FBN1: variants seen among roughly 807,000 people sequenced by gnomAD.
The protein encoded by FBN1 is fibrillin 1, also known as fibrillin-1.
Under a neutral mutation model 365.1 loss-of-function variants are expected in FBN1, and 29 were observed. The ratio of observed to expected loss-of-function variants is 0.08; its 90% confidence interval spans 0.06 to 0.11. The LOEUF is 0.11. Among genes scored for constraint, FBN1 ranks in the 10% least tolerant of loss-of-function variants. The pLI is 1.00. For synonymous variants in FBN1, 1,210 were observed against 1,270.5 expected (o/e 0.95, Z 1.01); for missense variants, 2,476 against 3,703.2 (o/e 0.67, Z 8.60).
At chr15:48,617,988 G>A (rs1442144763) in intron 2 of FBN1, among the ~76,000 whole-genome samples, 1 of 152,114 alleles carries the variant, frequency 6.6e-6, no homozygotes, top group African/African-American at 2.4e-5. Flanking sequence ...CAACATATTT[G>A]TTAGTGATTA....
intron 6 of FBN1, among the ~76,000 whole-genome samples, chr15:48,569,039 GA>G (rs1462543240): frequency 1.3e-5 from 2 of 152,024 alleles, no homozygotes; most frequent in Admixed American, 1.3e-4. Context: ...GCGCCATTAC[GA>G]AAATTAAAAA....
chr15:48,438,201 G>A (rs988078703), intron 50 of FBN1, among the ~76,000 whole-genome samples: 2 of 152,082 alleles, frequency 1.3e-5, no homozygotes, highest in African/African-American at 4.8e-5. Flanking sequence ...ATCCAAAACT[G>A]ACAGTTTTCA....
At chr15:48,456,847 T>TGTGTGG in intron 43 of FBN1, 85 bp from the exon 44 acceptor site, 1 of 959,540 alleles carries the variant, frequency 1.0e-6, no homozygotes, top group Non-Finnish European at 1.6e-6. Context: ...TGCGTGCGTG[T>TGTGTGG]GTGTGTGTGT....
chr15:48,549,767 TAG>T (rs2044126874), intron 6 of FBN1, among the ~76,000 whole-genome samples: 1 of 152,080 alleles, frequency 6.6e-6, no homozygotes, highest in South Asian at 2.1e-4. Context: ...TCTGATTTAC[TAG>T]AGTTTTATAT....
chr15:48,644,862 G>A lies in FBN1; in HGVS notation c.-93C>T. 8.0e-7 allele frequency: 1 copy of A among 1,245,984 alleles called. No homozygotes were observed. The allele number at this position is 1,245,984 out of a possible 1,614,324, so 77.2% of individuals were successfully genotyped here. Reference sequence around the variant, plus strand: ...GCGCCCTGAAGCGCACCGCGCCGCCGGGGTCCCGCTATCCCGCCGCCCGTC... The same window carrying A: ...GCGCCCTGAAGCGCACCGCGCCGCCAGGGTCCCGCTATCCCGCCGCCCGTC... On this transcript the variant is annotated 5_prime_UTR_variant, in exon 2 of 66. Coordinates refer to ENST00000316623, the MANE Select transcript of FBN1 (RefSeq NM_000138.5).
At chr15:48,433,565 A>C (rs2043040279) in intron 54 of FBN1, among the ~76,000 whole-genome samples, 1 of 152,214 alleles carries the variant, frequency 6.6e-6, no homozygotes, top group Non-Finnish European at 1.5e-5. Context: ...GCCCATGTTC[A>C]AACCTTAAAT....
At chr15:48,569,773 T>G (rs544270935) in intron 6 of FBN1, among the ~76,000 whole-genome samples, 2 of 152,184 alleles carry the variant, frequency 1.3e-5, no homozygotes, top group East Asian at 3.8e-4. Flanking sequence ...AGTGTATTAG[T>G]GGTTGCCCAG....
intron 63 of FBN1, among the ~76,000 whole-genome samples, 182 bp from the exon 64 acceptor site, chr15:48,415,949 T>G (rs1194055873): frequency 1.3e-5 from 2 of 152,196 alleles, no homozygotes; most frequent in Non-Finnish European, 2.9e-5. Flanking sequence ...TGGATGTGGC[T>G]TCTTGCTATG....
At chr15:48,559,276 T>C (rs546816363) in intron 6 of FBN1, among the ~76,000 whole-genome samples, 1 of 152,272 alleles carries the variant, frequency 6.6e-6, no homozygotes, top group East Asian at 1.9e-4. Context: ...TAGCCACAAA[T>C]ATATTATGTC....
At chr15:48,458,160 G>C (rs2043255182) in intron 43 of FBN1, among the ~76,000 whole-genome samples, 1 of 152,178 alleles carries the variant, frequency 6.6e-6, no homozygotes, top group Admixed American at 6.5e-5. Flanking sequence ...ACTTATTATA[G>C]TCAGGAGCCT....
At chr15:48,443,609 G>A (rs2085756187) in intron 49 of FBN1, among the ~76,000 whole-genome samples, 1 of 152,226 alleles carries the variant, frequency 6.6e-6, no homozygotes, top group African/African-American at 2.4e-5. Flanking sequence ...ATTTCTAATT[G>A]ACGATATTAA....
At chr15:48,498,409 A>G (rs2043626186) in intron 18 of FBN1, among the ~76,000 whole-genome samples, 1 of 152,184 alleles carries the variant, frequency 6.6e-6, no homozygotes, top group African/African-American at 2.4e-5. Flanking sequence ...TAATAAAATA[A>G]TCCCTTCCTC....
chr15:48,462,645 T>C (rs1214454384), intron 42 of FBN1, among the ~76,000 whole-genome samples: 1 of 152,218 alleles, frequency 6.6e-6, no homozygotes, highest in Non-Finnish European at 1.5e-5. Flanking sequence ...ATTTGCCTTA[T>C]GCTTATTTCT....
intron 6 of FBN1, among the ~76,000 whole-genome samples, chr15:48,568,010 A>G (rs2044270558): frequency 9.7e-6 from 1 of 103,386 alleles, no homozygotes; most frequent in Non-Finnish European, 1.9e-5. Flanking sequence ...AGAAAGAAAG[A>G]AAGAAAGAAA....
At chr15:48,477,083 A>T (rs1280434647) in intron 32 of FBN1, among the ~76,000 whole-genome samples, 1 of 152,084 alleles carries the variant, frequency 6.6e-6, no homozygotes, top group Non-Finnish European at 1.5e-5. Context: ...TTAATCTAGT[A>T]ATTCTGTAAT....
chr15:48,469,956 A>G (rs2043357444), intron 36 of FBN1, among the ~76,000 whole-genome samples: 1 of 152,136 alleles, frequency 6.6e-6, no homozygotes, highest in South Asian at 2.1e-4. Flanking sequence ...TGAAAAGACC[A>G]GATTTTTTCC....
At chr15:48,475,411 A>G (rs2043411109) in intron 32 of FBN1, among the ~76,000 whole-genome samples, 1 of 152,182 alleles carries the variant, frequency 6.6e-6, no homozygotes. Context: ...CTATTCTCCA[A>G]AATTCTATTG....
At chr15:48,544,762 T>C (rs186104174) in intron 6 of FBN1, among the ~76,000 whole-genome samples, 3 of 152,326 alleles carry the variant, frequency 2.0e-5, no homozygotes, top group Admixed American at 6.5e-5. Flanking sequence ...TTTGAAATAA[T>C]CATTTACCTG....
In FBN1 at chr15:48,644,707, C is replaced by G; in HGVS notation, c.63G>C (p.Thr21=). The G allele has an allele frequency of 6.2e-7, 1 of 1,614,116 alleles. No individual in the cohort carries two copies. The highest frequency in any genetic ancestry group is 8.5e-7 in the Non-Finnish European group (1 of 1,180,026). Reference sequence around the variant, plus strand: ...CCAAATTGGCGTCCGCCCCATGGCTCGTGTAGGACGCTAAAAGCACGGTAA... The same window carrying G: ...CCAAATTGGCGTCCGCCCCATGGCTGGTGTAGGACGCTAAAAGCACGGTAA... The part of the protein sequence containing the change: ...LGFTVLLASY[T]SHGADANLEA... Residue 21 remains threonine, a synonymous_variant, in exon 2 of 66, where the codon ACG becomes ACC. Transcript: ENST00000316623.
Sources: allele counts gnomAD v4.1 joint callset (sites outside exome capture counted in the v4.1 genomes callset), GRCh38; gene constraint gnomAD v4.1.1; transcripts MANE v1.5; gene names NCBI Gene and HGNC (gene_info 2026-07-23, HGNC 2026-07-21).